EFCAB13: variants seen among roughly 807,000 people sequenced by gnomAD.
EFCAB13 encodes EF-hand calcium binding domain 13, also known as EF-hand calcium-binding domain-containing protein 13.
EFCAB13 carries 91 observed loss-of-function variants against 110.2 expected under a neutral mutation model. That is an observed-to-expected ratio of 0.83 (90% CI 0.70 to 0.98). The LOEUF is 0.98. EFCAB13 is among the 50% of genes least tolerant of loss of function. The pLI is 0.00. For synonymous variants in EFCAB13, 323 were observed against 369.9 expected, an observed-to-expected ratio of 0.87 and a Z score of 1.45; for missense variants, 968 against 1,119.4, an observed-to-expected ratio of 0.86 and a Z score of 1.93.
intron 10 of EFCAB13, among the ~76,000 whole-genome samples, chr17:47,365,912 C>A (rs904337124): frequency 6.6e-6 from 1 of 152,124 alleles, no homozygotes; most frequent in African/African-American, 2.4e-5. Context: ...AGTATATGCT[C>A]TGGGGTCTGA....
chr17:47,362,531 C>G (rs1338376439), intron 10 of EFCAB13, among the ~76,000 whole-genome samples: 8 of 152,172 alleles, frequency 5.3e-5, no homozygotes, highest in South Asian at 2.1e-4. Flanking sequence ...AGAGAAGACT[C>G]TACTCCTCCA....
Position 47,391,479 on chromosome 17 carries a change from A to G in EFCAB13, c.1625A>G (p.Lys542Arg), listed in dbSNP as rs2065707283. The change falls in exon 15 of 25, where the codon AAA becomes AGA. Residue 542 changes from lysine (K) to arginine (R), a missense_variant. Coordinates refer to ENST00000331493, the MANE Select transcript of EFCAB13 (RefSeq NM_152347.5). ...VIKAIDKIKD[K>R]NVDYEDLNTC... Reference sequence around the variant, plus strand: ...AAAGCCATTGATAAAATTAAAGATAAAAATGTGGATTATGAGGATCTAAAT... The same window carrying G: ...AAAGCCATTGATAAAATTAAAGATAGAAATGTGGATTATGAGGATCTAAAT... The G allele has an allele frequency of 6.3e-7, 1 of 1,587,976 alleles. No homozygotes were observed.
At chr17:47,351,894 A>G (rs2065455354) in intron 9 of EFCAB13, among the ~76,000 whole-genome samples, 1 of 131,016 alleles carries the variant, frequency 7.6e-6, no homozygotes, top group Non-Finnish European at 1.6e-5. Context: ...TTGGGTTTTC[A>G]TGTAGTTTTT....
chr17:47,401,473 C>A (rs1598751858), intron 17 of EFCAB13, among the ~76,000 whole-genome samples: 1 of 152,178 alleles, frequency 6.6e-6, no homozygotes, highest in East Asian at 1.9e-4. Context: ...TGAAAGACGT[C>A]TTTAAAGTTT....
intron 13 of EFCAB13, 143 bp downstream of exon 13, chr17:47,378,046 G>A: frequency 1.3e-6 from 1 of 771,302 alleles, no homozygotes; most frequent in East Asian, 3.3e-5. Flanking sequence ...ATATAAAAAT[G>A]GAAAATAGTA....
chr17:47,348,653 G>A (rs2065431634), intron 9 of EFCAB13, among the ~76,000 whole-genome samples: 1 of 151,888 alleles, frequency 6.6e-6, no homozygotes, highest in Non-Finnish European at 1.5e-5. Flanking sequence ...TAGATATACG[G>A]TTATTATCTG....
intron 2 of EFCAB13, among the ~76,000 whole-genome samples, chr17:47,324,822 T>C (rs959736739): frequency 2.0e-5 from 3 of 151,102 alleles, no homozygotes; most frequent in Admixed American, 6.6e-5. Context: ...GCTACTGCCT[T>C]ATTTCTCTTA....
At chr17:47,428,779 A>G (rs1211825445) in intron 23 of EFCAB13, among the ~76,000 whole-genome samples, 1 of 152,138 alleles carries the variant, frequency 6.6e-6, no homozygotes, top group Non-Finnish European at 1.5e-5. Context: ...CAGAATGTGA[A>G]TGGGTTTGAG....
intron 21 of EFCAB13, among the ~76,000 whole-genome samples, chr17:47,411,963 C>T (rs1486106146): frequency 2.0e-5 from 3 of 152,112 alleles, no homozygotes; most frequent in Non-Finnish European, 2.9e-5. Context: ...TGTATGGTGG[C>T]ACATGCCTGT....
intron 4 of EFCAB13, among the ~76,000 whole-genome samples, chr17:47,334,187 A>C (rs1022392065): frequency 2.0e-5 from 3 of 151,532 alleles, no homozygotes; most frequent in African/African-American, 4.9e-5. Context: ...TTTCCTTTTA[A>C]TTTGCAGTTC....
At chr17:47,402,235 T>G in intron 18 of EFCAB13, 32 bp downstream of exon 18, 3 of 1,582,334 alleles carry the variant, frequency 1.9e-6, no homozygotes, top group Non-Finnish European at 2.6e-6. Flanking sequence ...ACGGTTAGAT[T>G]TACTTTTATT....
intron 23 of EFCAB13, among the ~76,000 whole-genome samples, chr17:47,420,183 G>A (rs1018501552): frequency 1.1e-4 from 16 of 152,226 alleles, no homozygotes; most frequent in African/African-American, 3.9e-4. Flanking sequence ...CTCCTAACGT[G>A]AGTGATCCGC....
At chr17:47,359,335 A>G (rs1185755218) in intron 9 of EFCAB13, among the ~76,000 whole-genome samples, 1 of 152,130 alleles carries the variant, frequency 6.6e-6, no homozygotes, top group African/African-American at 2.4e-5. Flanking sequence ...CCCTGTCTTT[A>G]AAAAAGAAAA....
chr17:47,439,715 T>A (rs144826927), intron 24 of EFCAB13, among the ~76,000 whole-genome samples: 2 of 152,140 alleles, frequency 1.3e-5, no homozygotes, highest in Non-Finnish European at 2.9e-5. Flanking sequence ...AACCTTTTTT[T>A]CTCTTGCTCC....
chr17:47,403,446 G>A (rs763877745), intron 18 of EFCAB13, among the ~76,000 whole-genome samples: 8 of 152,134 alleles, frequency 5.3e-5, no homozygotes, highest in Non-Finnish European at 1.2e-4. Flanking sequence ...CAACATTCCA[G>A]ACACTAGGGT....
Position 47,404,746 on chromosome 17 carries a change from A to G in EFCAB13, c.2233+113A>G, listed in dbSNP as rs1567800987. 3 of 628,006 alleles carry G rather than the reference A, an allele frequency of 4.8e-6. No homozygotes were observed. In the East Asian group the frequency reaches 9.2e-5, roughly 19 times the overall value. 38.9% of individuals were successfully genotyped at this position (628,006 alleles called of 1,614,324 possible). ...AATCTTCTTTATAGTATCTGTGCCA[A>G]ATGTTTGCTTCATGTGTACTTGAAC... On this transcript the variant is annotated intron_variant, in intron 20 of 24. Transcript: ENST00000331493.
chr17:47,347,941 T>G lies in EFCAB13; in HGVS notation c.651T>G (p.Val217=), dbSNP rs200794827. Residue 217 remains valine (V), a synonymous_variant, in exon 9 of 25, where the codon GTT becomes GTG. Coordinates refer to ENST00000331493, the MANE Select transcript of EFCAB13 (RefSeq NM_152347.5). ...DLEMRQALKT[V]DIDAFQDALK... is the part of the protein sequence containing the mutation. The stretch of plus-strand genomic sequence containing the variant: ...AAATGCGACAGGCACTAAAGACTGT[T>G]GATATTGATGGTAAGTTTTATCTTT... The G allele has an allele frequency of 1.2e-4, 185 of 1,487,766 alleles. 1 individual carries two copies. The highest frequency in any genetic ancestry group is 1.6e-4 in the Non-Finnish European group (178 of 1,105,020). The allele number at this position is 1,487,766 out of a possible 1,614,324, so 92.2% of individuals were successfully genotyped here.
At chr17:47,350,758 A>G (rs2065445065) in intron 9 of EFCAB13, among the ~76,000 whole-genome samples, 1 of 152,142 alleles carries the variant, frequency 6.6e-6, no homozygotes. Context: ...ATACATTATA[A>G]ATAAAGTGGT....
intron 20 of EFCAB13, 62 bp downstream of exon 20, chr17:47,404,695 T>C: frequency 7.8e-7 from 1 of 1,279,434 alleles, no homozygotes; most frequent in Non-Finnish European, 1.1e-6. Context: ...AAAGTTCACC[T>C]AGTAAAACCC....
Sources: gnomAD v4.1 joint callset for allele counts (sites outside exome capture counted in the v4.1 genomes callset) on GRCh38, gnomAD v4.1.1 for gene constraint, MANE v1.5 for transcripts, NCBI Gene and HGNC (gene_info 2026-07-23, HGNC 2026-07-21) for gene names.